FHIP1B: variants seen among roughly 807,000 people sequenced by gnomAD.
FHIP1B encodes FHF complex subunit HOOK interacting protein 1B.
FHIP1B carries 28 observed loss-of-function variants against 82.2 expected under a neutral mutation model. The ratio of observed to expected loss-of-function variants is 0.34; its 90% confidence interval spans 0.25 to 0.47. The LOEUF is 0.47. Among genes scored for constraint, FHIP1B ranks in the 20% least tolerant of loss-of-function variants. FHIP1B has a pLI of 1.00. For synonymous variants in FHIP1B, 585 were observed against 516.1 expected (o/e 1.13, Z -1.81); for missense variants, 1,110 against 1,262.6 (o/e 0.88, Z 1.83).
At chr11:6,229,676 A>C (rs1018342217) in intron 1 of FHIP1B, among the ~76,000 whole-genome samples, 1 of 152,174 alleles carries the variant, frequency 6.6e-6, no homozygotes, top group South Asian at 2.1e-4. Context: ...TGACCAACAA[A>C]GGGTACTGCT....
chr11:6,212,611 G>A (rs994368351), intron 11 of FHIP1B, among the ~76,000 whole-genome samples: 13 of 152,146 alleles, frequency 8.5e-5, no homozygotes, highest in Admixed American at 7.2e-4. Context: ...ACGTCCTCTT[G>A]CCTCTAACAT....
chr11:6,230,451 AAACC>A (rs546307514), intron 1 of FHIP1B, among the ~76,000 whole-genome samples: 1 of 152,218 alleles, frequency 6.6e-6, no homozygotes, highest in South Asian at 2.1e-4. Flanking sequence ...ACAAAGGGAA[AAACC>A]AACCAACCAA....
intron 11 of FHIP1B, among the ~76,000 whole-genome samples, chr11:6,212,870 G>A (rs750571554): frequency 7.9e-5 from 12 of 152,142 alleles, no homozygotes; most frequent in Non-Finnish European, 1.8e-4. Context: ...TCATGCGCCT[G>A]TAGCTCCCTC....
chr11:6,228,007 G>A (rs1166536817), intron 1 of FHIP1B, among the ~76,000 whole-genome samples: 2 of 152,162 alleles, frequency 1.3e-5, no homozygotes, highest in Admixed American at 6.5e-5. Context: ...AATAGGAATC[G>A]AAATGTAAGA....
intron 1 of FHIP1B, among the ~76,000 whole-genome samples, chr11:6,232,086 A>G (rs1005315463): frequency 6.6e-6 from 1 of 152,216 alleles, no homozygotes; most frequent in African/African-American, 2.4e-5. Flanking sequence ...ACATGTTTCT[A>G]TCTCTACATC....
At chr11:6,233,435 A>G (rs1847753322) in intron 1 of FHIP1B, among the ~76,000 whole-genome samples, 1 of 152,174 alleles carries the variant, frequency 6.6e-6, no homozygotes, top group African/African-American at 2.4e-5. Flanking sequence ...AGAGGACCTA[A>G]AAGAATGCTA....
rs1847081030 is a variant in FHIP1B at position 6,211,804 on chromosome 11, G to A, written c.2621C>T (p.Ala874Val). The A allele has an allele frequency of 6.2e-7, 1 of 1,612,410 alleles. No individual in the cohort carries two copies. Among genetic ancestry groups the A allele is most frequent in the South Asian group, 1.1e-5 (1 of 90,888 alleles). Reference protein sequence around the residue: ...LLRHAHSPTRARQAAQLVLQP... With the variant: ...LLRHAHSPTRVRQAAQLVLQP... ...AAGGACCAATTGTGCCGCCTGCCGG[G>A]CCCTGGTTGGACTGTGTGCATGCCG... is the stretch of plus-strand genomic sequence containing the variant. The change falls in exon 12 of 12, where the codon GCC (alanine) becomes GTC (valine). Residue 874 changes from alanine (A) to valine (V), a missense_variant. Physicochemically the swap from Ala to Val is moderately conservative, Grantham distance 64. This residue lies in a region of FHIP1B where 147 missense variants were observed against 154.0 expected (regional missense o/e 0.95). Transcript: ENST00000449352.
At chr11:6,225,254 CCTT>C (rs1847533091) in intron 1 of FHIP1B, among the ~76,000 whole-genome samples, 1 of 152,214 alleles carries the variant, frequency 6.6e-6, no homozygotes, top group South Asian at 2.1e-4. Context: ...CTACCATTCT[CCTT>C]CTCACTCACA....
At chr11:6,230,147 C>T (rs1306701995) in intron 1 of FHIP1B, among the ~76,000 whole-genome samples, 2 of 152,302 alleles carry the variant, frequency 1.3e-5, no homozygotes, top group East Asian at 3.9e-4. Context: ...AGGGTGACAA[C>T]CAACCTCGGA....
At chr11:6,216,200 C>T (rs986368892) in intron 9 of FHIP1B, among the ~76,000 whole-genome samples, 1 of 152,186 alleles carries the variant, frequency 6.6e-6, no homozygotes, top group Non-Finnish European at 1.5e-5. Context: ...CTGTAGGAGG[C>T]AAGAAGAGGG....
chr11:6,230,415 T>C (rs1447318407), intron 1 of FHIP1B, among the ~76,000 whole-genome samples: 2 of 152,194 alleles, frequency 1.3e-5, no homozygotes, highest in African/African-American at 2.4e-5. Flanking sequence ...GGAAGTTGAA[T>C]GACCTGATTA....
rs1554908293 is a variant in FHIP1B at position 6,214,391 on chromosome 11, TG to T, written c.2557+19del. 6.3e-7 allele frequency: 1 copy of T among 1,590,506 alleles called. No individual in the cohort carries two copies. Among genetic ancestry groups the T allele is most frequent in the Non-Finnish European group, 8.6e-7 (1 of 1,166,612 alleles). Reference sequence around the variant, plus strand: ...GCTATCTAGGGAGGGCAGGTACGGGTGTGGTGGGATAGGCCTCACCTAGGGG... The same window carrying T: ...GCTATCTAGGGAGGGCAGGTACGGGTTGGTGGGATAGGCCTCACCTAGGGG... On this transcript the variant is annotated intron_variant, in intron 11 of 11. Coordinates refer to ENST00000449352, the MANE Select transcript of FHIP1B (RefSeq NM_001098794.2).
In FHIP1B at chr11:6,218,032, G is replaced by A. The variant is rs1184473324; in HGVS notation, c.1554C>T (p.Gly518=). The change falls in exon 9 of 12, where the codon GGC becomes GGT. Residue 518 remains glycine, a synonymous_variant. Transcript: ENST00000449352. ...AAAGCCCTGGTGAGCAAGGGGCTGGGCCTGGAGACTCAGAGCCACCCAGGC... is the reference window on the plus strand; with the variant it reads ...AAAGCCCTGGTGAGCAAGGGGCTGGACCTGGAGACTCAGAGCCACCCAGGC... The part of the protein sequence containing the change: ...QQSLGGSESP[G]PAPCSPGLSA... The A allele has an allele frequency of 1.9e-6, 3 of 1,613,410 alleles. No homozygotes were observed. The highest frequency in any genetic ancestry group is 1.7e-5 in the Admixed American group (1 of 59,960).
chr11:6,217,115 A>C, intron 9 of FHIP1B: 1 of 703,206 alleles, frequency 1.4e-6, no homozygotes, highest in South Asian at 1.5e-5. Flanking sequence ...AAGAGGAGGA[A>C]CATGCACATA....
rs766553539 is a variant in FHIP1B, at chr11:6,211,801, C to G, written c.2624G>C (p.Arg875Pro). The G allele has an allele frequency of 1.2e-6, 2 of 1,612,724 alleles. No individual in the cohort carries two copies. The highest frequency in any genetic ancestry group is 2.2e-5 in the South Asian group (2 of 90,926). The change falls in exon 12 of 12, where the codon CGG (arginine) becomes CCG (proline). Residue 875 changes from arginine (R) to proline (P), a missense_variant. Arg to Pro is a moderately radical substitution (Grantham distance 103). Around this residue, in one of 6 missense-constraint regions of FHIP1B, gnomAD observed 147 missense variants for 154.0 expected, o/e 0.95. Coordinates refer to ENST00000449352, the MANE Select transcript of FHIP1B (RefSeq NM_001098794.2). ...CTGAAGGACCAATTGTGCCGCCTGC[C>G]GGGCCCTGGTTGGACTGTGTGCATG... ...LRHAHSPTRA[R>P]QAAQLVLQPG...
At chr11:6,230,491 C>T (rs1036342775) in intron 1 of FHIP1B, among the ~76,000 whole-genome samples, 1 of 152,214 alleles carries the variant, frequency 6.6e-6, no homozygotes, top group African/African-American at 2.4e-5. Flanking sequence ...GGAATTTATA[C>T]TAGAGCTCAG....
chr11:6,211,480 T>C lies in FHIP1B; in HGVS notation c.*26A>G, dbSNP rs1370254613. On this transcript the variant is annotated 3_prime_UTR_variant, in exon 12 of 12. Transcript: ENST00000449352. ...CCCTAGCCCCAGCCCGGGCCACCCA[T>C]GGCCCTGATTGTCCATGGAAGAAAG... 4 of 1,547,458 alleles carry C rather than the reference T, an allele frequency of 2.6e-6. No individual in the cohort carries two copies. The highest frequency in any genetic ancestry group is 2.8e-5 in the African/African-American group (2 of 72,370).
chr11:6,227,495 T>C (rs943940953), intron 1 of FHIP1B, among the ~76,000 whole-genome samples: 3 of 152,196 alleles, frequency 2.0e-5, no homozygotes, highest in African/African-American at 7.2e-5. Flanking sequence ...ATTAACAGAC[T>C]AGAAACACAT....
chr11:6,225,288 T>C (rs920888500), intron 1 of FHIP1B, among the ~76,000 whole-genome samples: 4 of 152,236 alleles, frequency 2.6e-5, no homozygotes, highest in African/African-American at 7.2e-5. Context: ...ACAGGCCTTC[T>C]TGAATACTTT....
Sources: allele counts gnomAD v4.1 joint callset (sites outside exome capture counted in the v4.1 genomes callset), GRCh38; gene constraint gnomAD v4.1.1; regional missense constraint gnomAD v4.1.1; transcripts MANE v1.5; gene names NCBI Gene and HGNC (gene_info 2026-07-23, HGNC 2026-07-21).